SDK1: variants seen among roughly 807,000 people sequenced by gnomAD.
SDK1 encodes the protein sidekick cell adhesion molecule 1.
A neutral mutation model predicts 245.5 loss-of-function variants in SDK1; 157 were observed. The observed-to-expected ratio is 0.64, with a 90% CI of 0.56 to 0.73. The LOEUF (loss-of-function observed/expected upper bound fraction) is 0.73, where lower values mean the gene tolerates loss of function less well. Among genes scored for constraint, SDK1 ranks in the 30% least tolerant of loss-of-function variants. The probability of loss-of-function intolerance (pLI) is 0.00; values close to 1 mark genes in which losing one functional copy is unlikely to be tolerated. For missense variants in SDK1, 3,583 were observed against 3,002.3 expected (o/e 1.19, Z -4.52); for synonymous variants, 1,647 against 1,278.5 (o/e 1.29, Z -6.15).
Position 4,158,565 on chromosome 7 carries a change from G to C in SDK1, c.4729+14G>C. The C allele has an allele frequency of 6.3e-7, 1 of 1,594,116 alleles. No homozygotes were observed. Among genetic ancestry groups the C allele is most frequent in the African/African-American group, 1.3e-5 (1 of 74,610 alleles). On this transcript the variant is annotated intron_variant, in intron 31 of 44. Coordinates refer to ENST00000404826, the MANE Select transcript of SDK1 (RefSeq NM_152744.4). ...CGCTGCAGGATGGTGAGCAACCCGG[G>C]GCCCAGACCGCGTTCCTGGCCGCTG...
intron 44 of SDK1, among the ~76,000 whole-genome samples, chr7:4,248,832 A>G (rs995129019): frequency 2.0e-5 from 3 of 152,136 alleles, no homozygotes; most frequent in Non-Finnish European, 4.4e-5. Context: ...TGGCTCACAC[A>G]TACTACATGC....
chr7:3,843,551 C>A (rs1780208332), intron 5 of SDK1, among the ~76,000 whole-genome samples: 1 of 152,188 alleles, frequency 6.6e-6, no homozygotes, highest in Non-Finnish European at 1.5e-5. Context: ...TTTTTCAGCA[C>A]ACCTGATTTT....
intron 5 of SDK1, among the ~76,000 whole-genome samples, chr7:3,947,991 C>T (rs186462938): frequency 6.6e-6 from 1 of 152,198 alleles, no homozygotes; most frequent in Admixed American, 6.5e-5. Flanking sequence ...TTTATGTGCA[C>T]ATATGAATTT....
chr7:3,801,565 GATC>G (rs1424920271), intron 4 of SDK1, among the ~76,000 whole-genome samples: 1 of 152,178 alleles, frequency 6.6e-6, no homozygotes, highest in Non-Finnish European at 1.5e-5. Context: ...TGAGCAACCA[GATC>G]ATCAGGTTTG....
chr7:3,509,698 T>A (rs1782514668), intron 1 of SDK1, among the ~76,000 whole-genome samples: 1 of 152,180 alleles, frequency 6.6e-6, no homozygotes, highest in Admixed American at 6.5e-5. Context: ...CTGTTTAATG[T>A]CACAGGGCAG....
intron 1 of SDK1, among the ~76,000 whole-genome samples, chr7:3,392,837 A>C (rs1365549697): frequency 6.6e-6 from 1 of 151,992 alleles, no homozygotes; most frequent in African/African-American, 2.4e-5. Flanking sequence ...GTATGCGTAT[A>C]TCGCATTTCG....
At chr7:3,495,712 C>T (rs1782005270) in intron 1 of SDK1, among the ~76,000 whole-genome samples, 1 of 152,228 alleles carries the variant, frequency 6.6e-6, no homozygotes, top group Admixed American at 6.5e-5. Flanking sequence ...TCAGTGTTAG[C>T]TCCCTCCCTG....
chr7:3,555,374 T>C (rs1200998572), intron 1 of SDK1, among the ~76,000 whole-genome samples: 1 of 152,120 alleles, frequency 6.6e-6, no homozygotes, highest in Non-Finnish European at 1.5e-5. Context: ...AAACTGGATA[T>C]CCATATACAG....
chr7:3,370,585 C>T (rs1562445907), intron 1 of SDK1, among the ~76,000 whole-genome samples: 2 of 152,312 alleles, frequency 1.3e-5, no homozygotes, highest in East Asian at 3.9e-4. Context: ...CGATATACCG[C>T]TTCCAAATTC....
At chr7:3,522,330 A>G (rs1036213282) in intron 1 of SDK1, among the ~76,000 whole-genome samples, 4 of 152,174 alleles carry the variant, frequency 2.6e-5, no homozygotes, top group African/African-American at 7.2e-5. Context: ...AAGTGATTAT[A>G]TGAGGATCAC....
intron 5 of SDK1, among the ~76,000 whole-genome samples, chr7:3,864,920 C>T (rs58156454): frequency 0.047 from 7,148 of 152,242 alleles, 541 homozygotes; most frequent in African/African-American, 0.16. Flanking sequence ...GAAGCATTTT[C>T]CCCCAGCACA....
intron 1 of SDK1, among the ~76,000 whole-genome samples, chr7:3,475,481 C>G (rs1324025672): frequency 1.3e-5 from 2 of 152,182 alleles, no homozygotes; most frequent in Non-Finnish European, 2.9e-5. Flanking sequence ...CTTGATTTCG[C>G]AAAAATCAAG....
rs1477676717 is a variant in SDK1, at chr7:4,127,423, G to C, written c.3866G>C (p.Ser1289Thr). Residue 1289 changes from serine (S) to threonine (T), a missense_variant, in exon 26 of 45, where the codon AGC (serine) becomes ACC (threonine). Physicochemically the swap from Ser to Thr is moderately conservative, Grantham distance 58. Coordinates refer to ENST00000404826, the MANE Select transcript of SDK1 (RefSeq NM_152744.4). ...APENVSAEAV[S>T]STQILLTWTS... ...GAGAACGTGTCAGCCGAGGCTGTCA[G>C]CTCGACCCAGATTTTACTGACATGG... is the stretch of plus-strand genomic sequence containing the variant. 1 of 1,614,192 alleles carries C rather than the reference G, an allele frequency of 6.2e-7. No individual in the cohort carries two copies. The highest frequency in any genetic ancestry group is 1.7e-5 in the Admixed American group (1 of 60,030).
intron 5 of SDK1, among the ~76,000 whole-genome samples, chr7:3,889,086 G>T (rs1003143386): frequency 3.9e-5 from 6 of 152,188 alleles, no homozygotes; most frequent in African/African-American, 1.2e-4. Context: ...GGACCTTGAA[G>T]CTCAAAAACC....
intron 4 of SDK1, among the ~76,000 whole-genome samples, chr7:3,654,182 T>A (rs146156025): frequency 3.0e-4 from 45 of 152,278 alleles, no homozygotes; most frequent in Non-Finnish European, 4.3e-4. Flanking sequence ...ACACTGCTCC[T>A]CCAAATGCTG....
intron 5 of SDK1, among the ~76,000 whole-genome samples, chr7:3,897,904 TCTCTTTG>T (rs1171673556): frequency 6.6e-6 from 1 of 152,198 alleles, no homozygotes; most frequent in Non-Finnish European, 1.5e-5. Context: ...CTTTTACTCT[TCTCTTTG>T]CTCTTTCTTT....
At chr7:3,571,592 C>T (rs371909179) in intron 1 of SDK1, among the ~76,000 whole-genome samples, 6 of 152,058 alleles carry the variant, frequency 3.9e-5, no homozygotes, top group Middle Eastern at 3.2e-3. Context: ...GTGTGAGCCA[C>T]GACATCTGGC....
At position 4,079,446 on chromosome 7, in the gene SDK1, C is replaced by G; in HGVS notation, c.3203-17C>G. On this transcript the variant is annotated splice_polypyrimidine_tract_variant and intron_variant, in intron 21 of 44. Transcript: ENST00000404826. Reference sequence around the variant, plus strand: ...CGGACTGTAAATCTCTCCCTTTCCTCCCTGGTTCCTCTCTAGACCTTCCTG... The same window carrying G: ...CGGACTGTAAATCTCTCCCTTTCCTGCCTGGTTCCTCTCTAGACCTTCCTG... 6.2e-7 allele frequency: 1 copy of G among 1,613,880 alleles called. No individual in the cohort carries two copies. Among genetic ancestry groups the G allele is most frequent in the Non-Finnish European group, 8.5e-7 (1 of 1,179,830 alleles).
Position 4,049,367 on chromosome 7 carries a change from G to C in SDK1, c.2622G>C (p.Gln874His). 3.7e-6 allele frequency: 6 copies of C among 1,614,130 alleles called. No individual in the cohort carries two copies. The highest frequency in any genetic ancestry group is 5.1e-6 in the Non-Finnish European group (6 of 1,180,022). The change falls in exon 18 of 45, where the codon CAG becomes CAC. Residue 874 changes from glutamine (Q) to histidine (H), a missense_variant. Physicochemically the swap from Gln to His is conservative, Grantham distance 24. Coordinates refer to ENST00000404826, the MANE Select transcript of SDK1 (RefSeq NM_152744.4). ...CCACAGTGCCCACCGCGCCCCCGCAGAACGTGCAGACGGAAGCCGTGAACT... is the reference window on the plus strand; with the variant it reads ...CCACAGTGCCCACCGCGCCCCCGCACAACGTGCAGACGGAAGCCGTGAACT... ...TLQGVPTAPP[Q>H]NVQTEAVNST... is the part of the protein sequence containing the mutation.
Sources: gnomAD v4.1 joint callset for allele counts (sites outside exome capture counted in the v4.1 genomes callset) on GRCh38, gnomAD v4.1.1 for gene constraint, MANE v1.5 for transcripts, NCBI Gene and HGNC (gene_info 2026-07-23, HGNC 2026-07-21) for gene names.